Variants in ARRB1 observed in about 807,000 individuals in gnomAD.
ARRB1 encodes arrestin beta 1, also known as beta-arrestin-1.
A neutral mutation model predicts 56.8 loss-of-function variants in ARRB1; 21 were observed. The ratio of observed to expected loss-of-function variants is 0.37; its 90% CI spans 0.26 to 0.53. The LOEUF (loss-of-function observed/expected upper bound fraction) is 0.53, where lower values mean the gene tolerates loss of function less well. Among genes scored for constraint, ARRB1 ranks in the 20% least tolerant of loss-of-function variants. ARRB1 has a pLI of 0.88. For synonymous variants in ARRB1, 210 were observed against 218.6 expected, an observed-to-expected ratio of 0.96 and a Z score of 0.35; for missense variants, 424 against 553.7, an observed-to-expected ratio of 0.77 and a Z score of 2.35.
chr11:75,306,331 C>T (rs1947027429), intron 1 of ARRB1, among the ~76,000 whole-genome samples: 1 of 152,124 alleles, frequency 6.6e-6, no homozygotes, highest in African/African-American at 2.4e-5. Context: ...AGCCTTCAGA[C>T]ATTTCTACTC....
At chr11:75,266,358 C>CA in intron 15 of ARRB1, 84 bp from the exon 16 acceptor site, 1 of 1,131,898 alleles carries the variant, frequency 8.8e-7, no homozygotes. Flanking sequence ...AGATGTGACT[C>CA]AGAGTATGGC....
chr11:75,331,683 C>G (rs1947522631), intron 1 of ARRB1, among the ~76,000 whole-genome samples: 1 of 151,924 alleles, frequency 6.6e-6, no homozygotes, highest in South Asian at 2.1e-4. Context: ...ACCCCTATCC[C>G]CCTCCACTGA....
chr11:75,286,255 C>CTTTTTTTTTTTT (rs60988072), intron 3 of ARRB1, among the ~76,000 whole-genome samples: 1 of 38,678 alleles, frequency 2.6e-5, no homozygotes, highest in African/African-American at 1.1e-4. Flanking sequence ...ATTTGCTCAT[C>CTTTTTTTTTTTT]TTTTTTTTTT....
intron 1 of ARRB1, among the ~76,000 whole-genome samples, chr11:75,302,343 T>C (rs1253895363): frequency 6.6e-6 from 1 of 152,208 alleles, no homozygotes; most frequent in African/African-American, 2.4e-5. Flanking sequence ...TCTCAGGTGG[T>C]GCAGAGTGAG....
intron 10 of ARRB1, 129 bp downstream of exon 10, chr11:75,276,710 G>A (rs1355101237): frequency 1.2e-6 from 1 of 802,836 alleles, no homozygotes; most frequent in African/African-American, 1.7e-5. Context: ...ACTCTGAGTG[G>A]CAAGGAAGTC....
intron 1 of ARRB1, among the ~76,000 whole-genome samples, chr11:75,340,560 G>A (rs1947678889): frequency 6.6e-6 from 1 of 152,242 alleles, no homozygotes; most frequent in Non-Finnish European, 1.5e-5. Context: ...GGCTGTGGGG[G>A]CTGGGGGTCT....
Position 75,266,264 on chromosome 11 carries a change from T to G in ARRB1, c.1156A>C (p.Ile386Leu). Residue 386 changes from isoleucine to leucine, a missense_variant, in exon 16 of 16, where the codon ATT becomes CTT. By Grantham distance (5) the Ile-to-Leu change is conservative. Transcript: ENST00000420843. ...TGGCGAGCAAAGTCCTCAAATACAA[T>G]GTCGTCATCACTGGTGGGAGAGACA... ...LIELDTNDDD[I>L]VFEDFARQRL... is the part of the protein sequence containing the mutation. 6.2e-7 allele frequency: 1 copy of G among 1,614,040 alleles called. No homozygotes were observed. Among genetic ancestry groups the G allele is most frequent in the Non-Finnish European group, 8.5e-7 (1 of 1,179,884 alleles).
intron 1 of ARRB1, among the ~76,000 whole-genome samples, chr11:75,305,691 C>G (rs2140472075): frequency 6.6e-6 from 1 of 152,294 alleles, no homozygotes; most frequent in South Asian, 2.1e-4. Flanking sequence ...AGGCAGACGA[C>G]TCAGCACCAG....
intron 1 of ARRB1, among the ~76,000 whole-genome samples, chr11:75,331,183 G>A (rs1947513757): frequency 6.6e-6 from 1 of 152,142 alleles, no homozygotes; most frequent in Admixed American, 6.6e-5. Flanking sequence ...TAATTTTTTG[G>A]TATTTTTAGT....
chr11:75,304,884 T>C (rs937139602), intron 1 of ARRB1, among the ~76,000 whole-genome samples: 6 of 150,510 alleles, frequency 4.0e-5, no homozygotes, highest in African/African-American at 1.5e-4. Flanking sequence ...GGCAACAACC[T>C]GTCTTTAAAA....
intron 1 of ARRB1, among the ~76,000 whole-genome samples, chr11:75,299,395 T>G (rs1274795179): frequency 6.6e-6 from 1 of 151,958 alleles, no homozygotes; most frequent in African/African-American, 2.4e-5. Flanking sequence ...ATAAAGATGC[T>G]TGGATTTCCC....
intron 1 of ARRB1, among the ~76,000 whole-genome samples, chr11:75,308,790 G>T (rs1321762748): frequency 6.6e-6 from 1 of 151,660 alleles, no homozygotes; most frequent in African/African-American, 2.4e-5. Flanking sequence ...TCTGGAGAAA[G>T]GGTCTCACTA....
intron 1 of ARRB1, among the ~76,000 whole-genome samples, chr11:75,346,353 G>A (rs1246532012): frequency 6.6e-6 from 1 of 152,140 alleles, no homozygotes; most frequent in Non-Finnish European, 1.5e-5. Flanking sequence ...TGAAAGGAGA[G>A]CACAGGGCAG....
chr11:75,300,658 C>T (rs1029715920), intron 1 of ARRB1, among the ~76,000 whole-genome samples: 1 of 151,986 alleles, frequency 6.6e-6, no homozygotes, highest in Non-Finnish European at 1.5e-5. Flanking sequence ...GGTGAAACCC[C>T]ATCTCGACTA....
Position 75,284,297 on chromosome 11 carries a change from A to T in ARRB1, c.113-18T>A. 6.2e-7 allele frequency: 1 copy of T among 1,605,040 alleles called. No individual in the cohort carries two copies. Among genetic ancestry groups the T allele is most frequent in the Non-Finnish European group, 8.5e-7 (1 of 1,174,076 alleles). ...CACACCATCTGGGGAAAGGACAGAG[A>T]GTAAGCGGCCTCTCCCAACCTGGTC... On this transcript the variant is annotated intron_variant, in intron 3 of 15. Transcript: ENST00000420843.
chr11:75,312,285 G>T, intron 1 of ARRB1: 1 of 591,408 alleles, frequency 1.7e-6, no homozygotes, highest in South Asian at 1.7e-5. Context: ...AGGCGTCAGG[G>T]ACAGGGCTCA....
Position 75,264,094 on chromosome 11 carries a change from C to G in ARRB1, c.*2069G>C, listed in dbSNP as rs765621644. 6.6e-6 allele frequency: 1 copy of G among 152,304 alleles called. No homozygotes were observed. The highest frequency in any genetic ancestry group is 2.4e-5 in the African/African-American group (1 of 41,452). 9.4% of individuals were successfully genotyped at this position (152,304 alleles called of 1,614,324 possible). ...AGGGGCTGGATGCCTGGGGGACCTG[C>G]AACTAGGCCCTCAAGACTGGACAGG... On this transcript the variant is annotated 3_prime_UTR_variant, in exon 16 of 16. Transcript: ENST00000420843.
chr11:75,333,011 C>T (rs1277154811), intron 1 of ARRB1, among the ~76,000 whole-genome samples: 8 of 152,160 alleles, frequency 5.3e-5, no homozygotes. Context: ...TGATTGATGT[C>T]TCATGCCTCC....
intron 1 of ARRB1, among the ~76,000 whole-genome samples, chr11:75,338,457 C>G (rs1591989833): frequency 6.6e-6 from 1 of 152,204 alleles, no homozygotes; most frequent in East Asian, 1.9e-4. Flanking sequence ...ATGGTTTTCT[C>G]TTCTCCAGGG....
Sources: gnomAD v4.1 joint callset for allele counts (sites outside exome capture counted in the v4.1 genomes callset) on GRCh38, gnomAD v4.1.1 for gene constraint, MANE v1.5 for transcripts, NCBI Gene and HGNC (gene_info 2026-07-23, HGNC 2026-07-21) for gene names.